Variants in SCHIP1 observed in about 807,000 individuals in gnomAD.
SCHIP1 encodes the protein schwannomin-interacting protein 1.
SCHIP1 carries 8 observed loss-of-function variants against 29.7 expected under a neutral mutation model. The ratio of observed to expected loss-of-function variants is 0.27; its 90% CI spans 0.16 to 0.49. The LOEUF (loss-of-function observed/expected upper bound fraction) is 0.49, where lower values mean the gene tolerates loss of function less well. SCHIP1 is among the 20% of genes least tolerant of loss of function. The pLI is 0.99. For synonymous variants in SCHIP1, 76 were observed against 94.9 expected (o/e 0.80, Z 1.16); for missense variants, 193 against 294.6 (o/e 0.66, Z 2.52).
the SCHIP1 span, among the ~76,000 whole-genome samples, chr3:159,382,353 C>A: frequency 1.3e-5 from 2 of 150,088 alleles, no homozygotes; most frequent in East Asian, 4.0e-4. Context: ...TGAGAATATG[C>A]GGTGTTTGAT....
chr3:159,543,357 C>T, the SCHIP1 span, among the ~76,000 whole-genome samples: 3 of 82,484 alleles, frequency 3.6e-5, no homozygotes, highest in Non-Finnish European at 5.3e-5. Context: ...TATCCCTCCC[C>T]CCTCCCCCCT....
At chr3:159,419,047 C>A in the SCHIP1 span, among the ~76,000 whole-genome samples, 9 of 152,310 alleles carry the variant, frequency 5.9e-5, no homozygotes, top group East Asian at 1.7e-3. Flanking sequence ...CTTCTCATAT[C>A]TGTTGCTCCT....
At chr3:159,474,760 A>C in the SCHIP1 span, among the ~76,000 whole-genome samples, 1 of 152,118 alleles carries the variant, frequency 6.6e-6, no homozygotes, top group Non-Finnish European at 1.5e-5. Flanking sequence ...AACAAAACAC[A>C]TTCCCTGGTC....
At chr3:159,888,795 C>T in intron 4 of SCHIP1, 25 bp from the exon 6 acceptor site, 2 of 1,612,316 alleles carry the variant, frequency 1.2e-6, no homozygotes, top group South Asian at 2.2e-5. Flanking sequence ...TTCACTCCTC[C>T]ATTTCTTCTC....
chr3:159,290,262 G>C, the SCHIP1 span, among the ~76,000 whole-genome samples: 1 of 152,166 alleles, frequency 6.6e-6, no homozygotes, highest in African/African-American at 2.4e-5. Flanking sequence ...TAAAGAGTCA[G>C]AAAGGAATAT....
chr3:159,329,146 G>C, the SCHIP1 span, among the ~76,000 whole-genome samples: 1 of 151,790 alleles, frequency 6.6e-6, no homozygotes, highest in East Asian at 1.9e-4. Flanking sequence ...GTAAAACAAG[G>C]ACACAAGTAA....
At chr3:159,790,487 A>G in the SCHIP1 span, among the ~76,000 whole-genome samples, 1 of 152,168 alleles carries the variant, frequency 6.6e-6, no homozygotes, top group Non-Finnish European at 1.5e-5. Flanking sequence ...GAGTTCCAGA[A>G]CAGCCTGGCC....
the SCHIP1 span, among the ~76,000 whole-genome samples, chr3:159,425,242 C>T: frequency 6.6e-6 from 1 of 152,118 alleles, no homozygotes; most frequent in Non-Finnish European, 1.5e-5. Context: ...AAGACACAGA[C>T]TGGCAAATTG....
the SCHIP1 span, among the ~76,000 whole-genome samples, chr3:159,548,561 A>T: frequency 6.6e-6 from 1 of 151,858 alleles, no homozygotes; most frequent in East Asian, 1.9e-4. Context: ...ACCTTTTGAT[A>T]CTGTCTCACA....
chr3:159,429,422 C>G, the SCHIP1 span, among the ~76,000 whole-genome samples: 3 of 152,060 alleles, frequency 2.0e-5, no homozygotes, highest in African/African-American at 7.2e-5. Context: ...GAGAACTTTA[C>G]TTTCCAAAAT....
chr3:159,459,129 A>T, the SCHIP1 span, among the ~76,000 whole-genome samples: 2 of 152,102 alleles, frequency 1.3e-5, no homozygotes, highest in African/African-American at 4.8e-5. Context: ...ATGAGGGCAC[A>T]TTTACTCTCT....
the SCHIP1 span, among the ~76,000 whole-genome samples, chr3:159,357,207 G>A: frequency 1.3e-5 from 2 of 152,242 alleles, no homozygotes; most frequent in Non-Finnish European, 2.9e-5. Flanking sequence ...TAGCAATGTG[G>A]GGTTTTTGTT....
chr3:159,608,793 T>C, the SCHIP1 span, among the ~76,000 whole-genome samples: 1 of 152,164 alleles, frequency 6.6e-6, no homozygotes, highest in South Asian at 2.1e-4. Flanking sequence ...AAGTACTTGG[T>C]TGTTTAAGGA....
chr3:159,631,815 T>G, the SCHIP1 span, among the ~76,000 whole-genome samples: 1 of 152,192 alleles, frequency 6.6e-6, no homozygotes, highest in Admixed American at 6.5e-5. Context: ...GTTAAAATAG[T>G]AAATTTTATA....
the SCHIP1 span, among the ~76,000 whole-genome samples, chr3:159,384,198 G>T: frequency 6.6e-6 from 1 of 150,612 alleles, no homozygotes; most frequent in Admixed American, 6.6e-5. Flanking sequence ...GTTTTCAAAG[G>T]GAATGCTTCC....
At chr3:159,644,929 C>A in the SCHIP1 span, among the ~76,000 whole-genome samples, 549 of 152,126 alleles carry the variant, frequency 3.6e-3, no homozygotes, top group Non-Finnish European at 5.5e-3. Context: ...TTTGAGGGAA[C>A]AAAGGCTGGA....
chr3:159,400,536 A>G, the SCHIP1 span, among the ~76,000 whole-genome samples: 4 of 152,246 alleles, frequency 2.6e-5, no homozygotes, highest in African/African-American at 7.2e-5. Flanking sequence ...GACTCAGTAC[A>G]CAGCTAGTAA....
the SCHIP1 span, among the ~76,000 whole-genome samples, chr3:159,456,762 T>A: frequency 2.0e-4 from 30 of 152,302 alleles, 1 homozygote; most frequent in Middle Eastern, 6.8e-3. Flanking sequence ...AACCTCTTGG[T>A]CACCCTGACC....
chr3:159,347,343 G>A, the SCHIP1 span, among the ~76,000 whole-genome samples: 2 of 152,024 alleles, frequency 1.3e-5, no homozygotes, highest in Admixed American at 6.6e-5. Flanking sequence ...CTTAATTATC[G>A]AAGTCTTACA....
Sources: gnomAD v4.1 joint callset for allele counts (sites outside exome capture counted in the v4.1 genomes callset) on GRCh38, gnomAD v4.1.1 for gene constraint, MANE v1.5 for transcripts, NCBI Gene and HGNC (gene_info 2026-07-23, HGNC 2026-07-21) for gene names.